Variants in PDK1 observed in about 807,000 individuals in gnomAD.
The protein encoded by PDK1 is pyruvate dehydrogenase kinase 1.
PDK1 carries 39 observed loss-of-function variants against 54.2 expected under a neutral mutation model. That is an observed-to-expected ratio of 0.72 (90% confidence interval 0.56 to 0.94). The LOEUF (loss-of-function observed/expected upper bound fraction) is 0.94. Among genes scored for constraint, PDK1 ranks in the 40% least tolerant of loss-of-function variants. The pLI is 0.00. For missense variants in PDK1, 552 were observed against 566.0 expected (o/e 0.98, Z 0.25); for synonymous variants, 221 against 207.1 (o/e 1.07, Z -0.58).
chr2:172,663,081 A>G, the PDK1 span, among the ~76,000 whole-genome samples: 1 of 152,218 alleles, frequency 6.6e-6, no homozygotes, highest in Non-Finnish European at 1.5e-5. Context: ...TGGTTTCAAC[A>G]GCAGAAATGT....
At chr2:172,641,924 G>A in the PDK1 span, among the ~76,000 whole-genome samples, 1 of 152,172 alleles carries the variant, frequency 6.6e-6, no homozygotes, top group Non-Finnish European at 1.5e-5. Flanking sequence ...TGAGAGACGG[G>A]AGGGCAGAAG....
the PDK1 span, among the ~76,000 whole-genome samples, chr2:172,646,208 T>C: frequency 6.6e-6 from 1 of 152,236 alleles, no homozygotes; most frequent in African/African-American, 2.4e-5. Flanking sequence ...GAAGAGTGAT[T>C]CTCATACAAA....
chr2:172,630,049 C>T, the PDK1 span, among the ~76,000 whole-genome samples: 2 of 152,200 alleles, frequency 1.3e-5, no homozygotes, highest in African/African-American at 4.8e-5. Flanking sequence ...TCCAAAATGG[C>T]TGCAGAAGCC....
chr2:172,621,627 TATC>T, the PDK1 span, among the ~76,000 whole-genome samples: 7 of 147,168 alleles, frequency 4.8e-5, no homozygotes, highest in African/African-American at 1.2e-4. Context: ...TATGTTTATA[TATC>T]ATATGTTTAT....
the PDK1 span, among the ~76,000 whole-genome samples, chr2:172,704,090 A>G: frequency 6.6e-6 from 1 of 151,912 alleles, no homozygotes. Context: ...TTCTCTTGTA[A>G]TTGCTTTCAT....
At chr2:172,652,859 T>C in the PDK1 span, among the ~76,000 whole-genome samples, 1 of 152,198 alleles carries the variant, frequency 6.6e-6, no homozygotes, top group East Asian at 1.9e-4. Flanking sequence ...TGCTCATGGA[T>C]AGGAAGAATC....
At chr2:172,644,243 A>G in the PDK1 span, among the ~76,000 whole-genome samples, 1 of 152,226 alleles carries the variant, frequency 6.6e-6, no homozygotes, top group African/African-American at 2.4e-5. Flanking sequence ...GGAATATAAC[A>G]AGGAGTTGGG....
the PDK1 span, among the ~76,000 whole-genome samples, chr2:172,641,580 T>C: frequency 3.3e-5 from 5 of 151,998 alleles, no homozygotes; most frequent in Admixed American, 6.6e-5. Flanking sequence ...TAGCTGGGAC[T>C]ACAGGCGCCC....
At chr2:172,707,054 T>C in the PDK1 span, among the ~76,000 whole-genome samples, 2 of 152,136 alleles carry the variant, frequency 1.3e-5, no homozygotes, top group Admixed American at 6.5e-5. Flanking sequence ...GGTGGCGTTG[T>C]TTCCACTGGG....
At chr2:172,567,057 A>T (rs1688993925) in intron 6 of PDK1, 124 bp downstream of exon 6, 2 of 537,806 alleles carry the variant, frequency 3.7e-6, no homozygotes, top group Non-Finnish European at 6.5e-6. Flanking sequence ...AGGCTAAAGG[A>T]TAGTAATCAT....
At chr2:172,716,894 T>C in the PDK1 span, among the ~76,000 whole-genome samples, 3 of 152,246 alleles carry the variant, frequency 2.0e-5, no homozygotes, top group Admixed American at 1.3e-4. Flanking sequence ...GAACAAAACT[T>C]CATCAATGTT....
chr2:172,668,872 T>TACACAC, the PDK1 span, among the ~76,000 whole-genome samples: 12,085 of 111,348 alleles, frequency 0.11, 1,104 homozygotes, highest in East Asian at 0.49. Flanking sequence ...TGTATGTATG[T>TACACAC]ACACACACAC....
the PDK1 span, among the ~76,000 whole-genome samples, chr2:172,652,416 G>A: frequency 6.6e-5 from 10 of 152,240 alleles, no homozygotes; most frequent in Middle Eastern, 3.4e-3. Context: ...CACAAGACAG[G>A]GATGCCCTCT....
chr2:172,650,133 G>A, the PDK1 span, among the ~76,000 whole-genome samples: 1,184 of 152,274 alleles, frequency 7.8e-3, 20 homozygotes, highest in African/African-American at 0.026. Flanking sequence ...GACTAACAGC[G>A]GATCTCTCTG....
At chr2:172,621,811 C>T in the PDK1 span, among the ~76,000 whole-genome samples, 1 of 132,900 alleles carries the variant, frequency 7.5e-6, no homozygotes, top group African/African-American at 3.5e-5. Flanking sequence ...GTTTATATCT[C>T]ATATGTATGA....
chr2:172,623,682 A>G, the PDK1 span, among the ~76,000 whole-genome samples: 1 of 152,200 alleles, frequency 6.6e-6, no homozygotes, highest in Non-Finnish European at 1.5e-5. Flanking sequence ...GCTTTTCTCC[A>G]GGAGACCCAT....
the PDK1 span, among the ~76,000 whole-genome samples, chr2:172,633,658 AT>A: frequency 1.3e-5 from 2 of 150,744 alleles, no homozygotes. Context: ...AAATATTGAC[AT>A]TTTATATTTG....
the PDK1 span, among the ~76,000 whole-genome samples, chr2:172,643,606 C>A: frequency 1.3e-5 from 2 of 152,090 alleles, no homozygotes; most frequent in Non-Finnish European, 2.9e-5. Context: ...GTGTGTGCAC[C>A]CCTAGACTCA....
At chr2:172,685,799 C>T in the PDK1 span, among the ~76,000 whole-genome samples, 1 of 150,636 alleles carries the variant, frequency 6.6e-6, no homozygotes, top group South Asian at 2.1e-4. Context: ...TCCAAAATTC[C>T]ATACCACCTC....
Sources: allele counts gnomAD v4.1 joint callset (sites outside exome capture counted in the v4.1 genomes callset), GRCh38; gene constraint gnomAD v4.1.1; transcripts MANE v1.5; gene names NCBI Gene and HGNC (gene_info 2026-07-23, HGNC 2026-07-21).